The following DAB1 variants were observed in gnomAD, a reference collection of about 807,000 sequenced individuals.
DAB1 encodes the protein disabled homolog 1.
DAB1 carries 15 observed loss-of-function variants against 64.6 expected under a neutral mutation model. That is an observed-to-expected ratio of 0.23 (90% CI 0.16 to 0.36). The LOEUF (loss-of-function observed/expected upper bound fraction) is 0.36. Ranked by LOEUF, DAB1 falls within the 10% of genes least tolerant of loss-of-function variation. DAB1 has a pLI of 1.00. For missense variants in DAB1, 596 were observed against 706.7 expected (o/e 0.84, Z 1.78); for synonymous variants, 235 against 251.9 (o/e 0.93, Z 0.64).
intron 4 of DAB1, among the ~76,000 whole-genome samples, chr1:57,082,709 T>A (rs565859790): frequency 6.6e-6 from 1 of 152,188 alleles, no homozygotes; most frequent in Admixed American, 6.5e-5. Flanking sequence ...CCCCAGTGTG[T>A]GTTGTTCCCC....
At chr1:57,285,438 T>C (rs547075150) in intron 2 of DAB1, among the ~76,000 whole-genome samples, 1 of 152,132 alleles carries the variant, frequency 6.6e-6, no homozygotes, top group African/African-American at 2.4e-5. Context: ...CCTATTTTTG[T>C]ATTTTTGTAT....
At chr1:57,234,393 A>C (rs778224110) in intron 2 of DAB1, among the ~76,000 whole-genome samples, 2 of 152,132 alleles carry the variant, frequency 1.3e-5, no homozygotes, top group Non-Finnish European at 2.9e-5. Context: ...TGGAGCCTTA[A>C]TTTCCATATT....
At chr1:57,765,587 C>T (rs1244166977) in intron 6 of DAB1, among the ~76,000 whole-genome samples, 1 of 152,096 alleles carries the variant, frequency 6.6e-6, no homozygotes, top group East Asian at 1.9e-4. Context: ...CCTTCGTGCC[C>T]TCTGCCTTAC....
intron 6 of DAB1, among the ~76,000 whole-genome samples, chr1:57,814,954 C>T (rs2101889037): frequency 6.6e-6 from 1 of 152,318 alleles, no homozygotes; most frequent in East Asian, 1.9e-4. Context: ...GGCTACGATG[C>T]TGTAGCAGGG....
chr1:57,066,760 C>A (rs914572485), intron 8 of DAB1, among the ~76,000 whole-genome samples: 1 of 152,196 alleles, frequency 6.6e-6, no homozygotes, highest in African/African-American at 2.4e-5. Context: ...CTGCTCTCCT[C>A]CTCGTTTTAC....
intron 2 of DAB1, among the ~76,000 whole-genome samples, chr1:57,248,460 G>A (rs955412323): frequency 1.3e-5 from 2 of 152,068 alleles, no homozygotes; most frequent in African/African-American, 2.4e-5. Flanking sequence ...TTAGCTAATA[G>A]TATATATTCA....
chr1:57,492,995 G>A (rs925915368), intron 7 of DAB1, among the ~76,000 whole-genome samples: 5 of 152,012 alleles, frequency 3.3e-5, no homozygotes, highest in African/African-American at 4.8e-5. Flanking sequence ...GCTGCACTGT[G>A]AACTCTCTTC....
At chr1:57,396,382 T>G (rs903697796) in intron 1 of DAB1, among the ~76,000 whole-genome samples, 5 of 152,162 alleles carry the variant, frequency 3.3e-5, no homozygotes, top group Non-Finnish European at 2.9e-5. Flanking sequence ...TTTTGTTTTG[T>G]TTTGGTTATT....
intron 5 of DAB1, among the ~76,000 whole-genome samples, chr1:58,070,795 AG>A (rs1649189809): frequency 1.3e-5 from 2 of 152,190 alleles, no homozygotes; most frequent in African/African-American, 2.4e-5. Flanking sequence ...GGTCACAGTC[AG>A]GCTGGAACAT....
intron 1 of DAB1, among the ~76,000 whole-genome samples, chr1:57,302,006 T>TTTTTA (rs1445795848): frequency 6.6e-6 from 1 of 152,168 alleles, no homozygotes; most frequent in African/African-American, 2.4e-5. Flanking sequence ...AAACATCATA[T>TTTTTA]TTTTACCACC....
intron 7 of DAB1, among the ~76,000 whole-genome samples, chr1:57,566,706 C>A (rs958870110): frequency 1.3e-5 from 2 of 152,066 alleles, no homozygotes; most frequent in African/African-American, 4.8e-5. Context: ...GACACATACA[C>A]CCTCCCAAGA....
chr1:57,993,233 C>A (rs1411607484), intron 5 of DAB1, among the ~76,000 whole-genome samples: 1 of 152,040 alleles, frequency 6.6e-6, no homozygotes, highest in African/African-American at 2.4e-5. Context: ...TCAGAGAGGG[C>A]TAGAAATCTC....
chr1:57,844,013 G>C (rs894573001), intron 1 of DAB1, among the ~76,000 whole-genome samples: 27 of 152,330 alleles, frequency 1.8e-4, no homozygotes, highest in South Asian at 6.2e-4. Flanking sequence ...CTTTCTGGCT[G>C]TTCCCTGAAC....
intron 6 of DAB1, 97 bp from the exon 7 acceptor site, chr1:57,071,158 G>T: frequency 8.3e-7 from 1 of 1,210,900 alleles, no homozygotes. Flanking sequence ...AAAGAAACCA[G>T]CTCTGGGCAG....
chr1:57,480,641 T>G (rs1057237110), intron 7 of DAB1, among the ~76,000 whole-genome samples: 5 of 152,080 alleles, frequency 3.3e-5, no homozygotes, highest in Non-Finnish European at 5.9e-5. Flanking sequence ...CATGCCACCA[T>G]GCCTGGCTAA....
chr1:57,106,257 A>ACC (rs10658621), intron 4 of DAB1, among the ~76,000 whole-genome samples: 44,895 of 135,936 alleles, frequency 0.33, 7,025 homozygotes, highest in Non-Finnish European at 0.38. Context: ...TCCCCCTAAC[A>ACC]CCCCCCCCCA....
intron 1 of DAB1, among the ~76,000 whole-genome samples, chr1:57,846,389 CA>C (rs1411887733): frequency 1.4e-5 from 2 of 147,488 alleles, no homozygotes; most frequent in Non-Finnish European, 3.0e-5. Context: ...ACCCGGGAGG[CA>C]GAGCTTGCAG....
chr1:58,030,984 A>T (rs532448365), intron 5 of DAB1, among the ~76,000 whole-genome samples: 1 of 152,344 alleles, frequency 6.6e-6, no homozygotes, highest in Admixed American at 6.5e-5. Context: ...CTAAGCAGGA[A>T]GAACTTCTCC....
At chr1:58,196,456 TGGCAAGACTGTAA>T (rs1390225793) in intron 4 of DAB1, among the ~76,000 whole-genome samples, 1 of 152,188 alleles carries the variant, frequency 6.6e-6, no homozygotes, top group Non-Finnish European at 1.5e-5. Flanking sequence ...GGTGACAGTA[TGGCAAGACTGTAA>T]GCTAGGGGAC....
Sources: allele counts gnomAD v4.1 joint callset (sites outside exome capture counted in the v4.1 genomes callset), GRCh38; gene constraint gnomAD v4.1.1; transcripts MANE v1.5; gene names NCBI Gene and HGNC (gene_info 2026-07-23, HGNC 2026-07-21).